RARB: variants seen among roughly 807,000 people sequenced by gnomAD.
The protein encoded by RARB is retinoic acid receptor beta.
In RARB, 17 loss-of-function variants were observed where a neutral mutation model predicts 51.9. The observed-to-expected ratio is 0.33, with a 90% CI of 0.22 to 0.49. RARB has a LOEUF of 0.49. RARB is among the 20% of genes least tolerant of loss of function. The pLI, the probability that RARB is intolerant of heterozygous loss-of-function variation, is 0.99. For missense variants in RARB, 369 were observed against 550.8 expected (o/e 0.67, Z 3.30); for synonymous variants, 215 against 195.4 (o/e 1.10, Z -0.84).
intron 2 of RARB, among the ~76,000 whole-genome samples, chr3:24,997,330 C>T (rs1239705303): frequency 6.6e-6 from 1 of 151,602 alleles, no homozygotes; most frequent in African/African-American, 2.4e-5. Flanking sequence ...CATTCCTTCA[C>T]TTTCAGCACA....
chr3:25,054,525 G>T (rs753424816), intron 2 of RARB, among the ~76,000 whole-genome samples: 21 of 152,164 alleles, frequency 1.4e-4, no homozygotes, highest in Non-Finnish European at 2.5e-4. Context: ...TTGAAAGGCA[G>T]AAAGCTACTT....
At chr3:25,558,185 C>G (rs779752393) in intron 3 of RARB, among the ~76,000 whole-genome samples, 4 of 152,174 alleles carry the variant, frequency 2.6e-5, no homozygotes, top group Admixed American at 6.5e-5. Flanking sequence ...CGCTTGGCCT[C>G]AAGTTTATTT....
chr3:25,045,474 C>T (rs144975667), intron 2 of RARB, among the ~76,000 whole-genome samples: 1 of 152,192 alleles, frequency 6.6e-6, no homozygotes, highest in African/African-American at 2.4e-5. Context: ...AAAGCCAGAG[C>T]TCCCTCCCTC....
intron 3 of RARB, among the ~76,000 whole-genome samples, chr3:25,518,918 G>C (rs941521908): frequency 6.6e-6 from 1 of 152,096 alleles, no homozygotes; most frequent in African/African-American, 2.4e-5. Context: ...GGAGCTTTCT[G>C]GGGTTGGAAC....
intron 3 of RARB, among the ~76,000 whole-genome samples, chr3:25,096,118 C>T (rs1004506208): frequency 1.3e-5 from 2 of 152,120 alleles, no homozygotes; most frequent in Non-Finnish European, 2.9e-5. Context: ...AACCAATTTC[C>T]CTAATGCCCT....
At chr3:25,252,943 C>A (rs527862051) in intron 5 of RARB, among the ~76,000 whole-genome samples, 1 of 152,240 alleles carries the variant, frequency 6.6e-6, no homozygotes, top group African/African-American at 2.4e-5. Flanking sequence ...CCCAACTGAG[C>A]AGAGTCTCTA....
intron 3 of RARB, chr3:25,060,202 T>C (rs936854004): frequency 2.0e-5 from 3 of 151,780 alleles, no homozygotes; most frequent in African/African-American, 4.8e-5. Context: ...AAAAGTAAAT[T>C]ACATTTGAAC....
chr3:25,286,061 A>T (rs1366183808), intron 5 of RARB, among the ~76,000 whole-genome samples: 2 of 146,808 alleles, frequency 1.4e-5, no homozygotes, highest in Non-Finnish European at 3.0e-5. Flanking sequence ...CCATTCAATT[A>T]ATTGCTAGTC....
At chr3:25,212,541 C>G (rs1183653447) in intron 5 of RARB, among the ~76,000 whole-genome samples, 1 of 152,138 alleles carries the variant, frequency 6.6e-6, no homozygotes, top group African/African-American at 2.4e-5. Flanking sequence ...TCGCTTGAAC[C>G]CAGGAGGCGG....
chr3:24,877,912 T>C (rs76463460), intron 2 of RARB, among the ~76,000 whole-genome samples: 20 of 152,312 alleles, frequency 1.3e-4, no homozygotes, highest in Admixed American at 1.3e-3. Flanking sequence ...TTTCAAAATA[T>C]ATCACTTACT....
chr3:25,233,939 G>T lies in RARB; in HGVS notation c.178+59364G>T, dbSNP rs947976118. On this transcript the variant is annotated intron_variant, in intron 5 of 11. Coordinates refer to the RARB transcript ENST00000383772. ...CCCCAGAATAAACTCCCAATTTTCT[G>T]ATATATTATTCTTTTTACATTCAAT... Among the ~76,000 whole-genome samples, 20 of 151,978 alleles carry T rather than the reference G, an allele frequency of 1.3e-4. 1 individual carries two copies. The highest frequency in any genetic ancestry group is 1.3e-3 in the Admixed American group (20 of 15,258).
At chr3:24,974,510 C>G (rs1251356748) in intron 2 of RARB, among the ~76,000 whole-genome samples, 1 of 151,948 alleles carries the variant, frequency 6.6e-6, no homozygotes, top group Non-Finnish European at 1.5e-5. Context: ...ATACATGATC[C>G]AACTGACTCA....
intron 5 of RARB, among the ~76,000 whole-genome samples, chr3:25,383,372 T>C (rs1706687752): frequency 6.6e-6 from 1 of 152,164 alleles, no homozygotes. Context: ...GGAAGCCCCT[T>C]TCTGAACCTA....
At chr3:24,965,216 T>C (rs916423554) in intron 2 of RARB, among the ~76,000 whole-genome samples, 2 of 152,188 alleles carry the variant, frequency 1.3e-5, no homozygotes, top group South Asian at 4.1e-4. Context: ...GTTGAGTGTA[T>C]TTTTGTCAGG....
intron 5 of RARB, among the ~76,000 whole-genome samples, chr3:25,178,571 A>G (rs886722424): frequency 1.3e-5 from 2 of 151,978 alleles, no homozygotes; most frequent in African/African-American, 2.4e-5. Flanking sequence ...GTTTTGGGCA[A>G]TGAGGCCAGC....
At chr3:25,169,524 C>T (rs1362673262) in intron 4 of RARB, among the ~76,000 whole-genome samples, 9 of 152,120 alleles carry the variant, frequency 5.9e-5, no homozygotes, top group East Asian at 1.9e-4. Flanking sequence ...CAGTATATCA[C>T]GTAACTCAAC....
chr3:25,286,214 A>G (rs1423864293), intron 5 of RARB, among the ~76,000 whole-genome samples: 1 of 146,432 alleles, frequency 6.8e-6, no homozygotes, highest in Admixed American at 7.0e-5. Context: ...TCGGCCTCCC[A>G]AGTAGCTGGG....
At chr3:25,456,446 A>C (rs568371529) in intron 1 of RARB, among the ~76,000 whole-genome samples, 1 of 151,940 alleles carries the variant, frequency 6.6e-6, no homozygotes, top group Non-Finnish European at 1.5e-5. Flanking sequence ...TTAAAGTACA[A>C]ATCTTTTATA....
intron 4 of RARB, among the ~76,000 whole-genome samples, chr3:25,573,184 T>C (rs1700778454): frequency 6.6e-6 from 1 of 152,126 alleles, no homozygotes; most frequent in African/African-American, 2.4e-5. Context: ...GCCGCCTTCC[T>C]TCCCTGCCCA....
Sources: allele counts gnomAD v4.1 joint callset (sites outside exome capture counted in the v4.1 genomes callset), GRCh38; gene constraint gnomAD v4.1.1; transcripts MANE v1.5; gene names NCBI Gene and HGNC (gene_info 2026-07-23, HGNC 2026-07-21).